The following SPTBN1 variants were observed in gnomAD, a reference collection of about 807,000 sequenced individuals.
SPTBN1 encodes the protein spectrin beta, non-erythrocytic 1, also known as spectrin beta chain, non-erythrocytic 1.
A neutral mutation model predicts 266.4 loss-of-function variants in SPTBN1; 32 were observed. That is an observed-to-expected ratio of 0.12 (90% CI 0.09 to 0.16). SPTBN1 has a LOEUF of 0.16. Ranked by LOEUF, SPTBN1 falls within the 10% of genes least tolerant of loss-of-function variation. The probability of loss-of-function intolerance (pLI) is 1.00; values close to 1 mark genes in which losing one functional copy is unlikely to be tolerated. For synonymous variants in SPTBN1, 1,336 were observed against 1,162.2 expected, an observed-to-expected ratio of 1.15 and a Z score of -3.04; for missense variants, 2,296 against 3,067.1, an observed-to-expected ratio of 0.75 and a Z score of 5.94.
At chr2:54,463,286 G>C (rs1191543132) in intron 1 of SPTBN1, among the ~76,000 whole-genome samples, 1 of 152,330 alleles carries the variant, frequency 6.6e-6, no homozygotes, top group Middle Eastern at 3.4e-3. Flanking sequence ...TTTGAATAAT[G>C]ACAATGAGCA....
chr2:54,643,873 T>A (rs145292417), intron 19 of SPTBN1, among the ~76,000 whole-genome samples: 31 of 152,132 alleles, frequency 2.0e-4, no homozygotes, highest in African/African-American at 7.2e-4. Flanking sequence ...ATCGCAGCTA[T>A]TGGGGAGGCT....
At chr2:54,466,951 A>G (rs1693665302) in intron 1 of SPTBN1, among the ~76,000 whole-genome samples, 2 of 152,176 alleles carry the variant, frequency 1.3e-5, no homozygotes, top group African/African-American at 4.8e-5. Flanking sequence ...TTTTTGTTAC[A>G]GCCTTGGCAG....
intron 1 of SPTBN1, among the ~76,000 whole-genome samples, chr2:54,465,552 C>T (rs986829929): frequency 6.6e-6 from 1 of 150,418 alleles, no homozygotes; most frequent in African/African-American, 2.4e-5. Context: ...TTTTAATATT[C>T]TTCGTTTTTT....
At chr2:54,463,125 G>A (rs904463253) in intron 1 of SPTBN1, among the ~76,000 whole-genome samples, 17 of 152,340 alleles carry the variant, frequency 1.1e-4, no homozygotes, top group African/African-American at 3.4e-4. Flanking sequence ...AGTTACAGTG[G>A]TGGCCAAGGG....
Position 54,653,929 on chromosome 2 carries a change from G to A in SPTBN1, c.5822+76G>A, listed in dbSNP as rs1680476109. The A allele has an allele frequency of 1.3e-6, 2 of 1,567,294 alleles. No homozygotes were observed. The highest frequency in any genetic ancestry group is 1.2e-5 in the South Asian group (1 of 83,258). ...CACAGGAGTCTTCCAGAGAGAAGCAGGAGCCTTGAAAGCGTTCCTGCCTGA... is the reference window on the plus strand; with the variant it reads ...CACAGGAGTCTTCCAGAGAGAAGCAAGAGCCTTGAAAGCGTTCCTGCCTGA... On this transcript the variant is annotated intron_variant, in intron 27 of 35. Transcript: ENST00000356805. This position sits in a 1 kb window ranked among gnomAD's most constrained non-coding sequence, Gnocchi z 5.1.
At chr2:54,472,780 A>T (rs1693996508) in intron 1 of SPTBN1, among the ~76,000 whole-genome samples, 1 of 152,332 alleles carries the variant, frequency 6.6e-6, no homozygotes, top group East Asian at 1.9e-4. Context: ...ATTTTTAAAA[A>T]TGCAGTATTT....
At chr2:54,584,449 A>C (rs1214764760) in intron 2 of SPTBN1, among the ~76,000 whole-genome samples, 2 of 152,248 alleles carry the variant, frequency 1.3e-5, no homozygotes, top group African/African-American at 4.8e-5. Flanking sequence ...ACATACTATA[A>C]ATTTTGATAT....
intron 1 of SPTBN1, among the ~76,000 whole-genome samples, chr2:54,506,894 C>CTCTCTTTTTTTT (rs5831310): frequency 7.5e-6 from 1 of 133,504 alleles, no homozygotes. Flanking sequence ...GGTTCTCTCT[C>CTCTCTTTTTTTT]TTTTTTTTTT....
chr2:54,628,041 A>T lies in SPTBN1; in HGVS notation c.1645-56A>T. ...TCTCTGCTTGTCGAAAGATGATGTG[A>T]TGCTGAAGTCAAGGCTATAGTCACA... is the stretch of plus-strand genomic sequence containing the variant. On this transcript the variant is annotated intron_variant, in intron 12 of 35. Coordinates refer to ENST00000356805, the MANE Select transcript of SPTBN1 (RefSeq NM_003128.3). The surrounding 1 kb of genome is among the most constrained non-coding windows in gnomAD (Gnocchi z 4.3). 6.5e-7 allele frequency: 1 copy of T among 1,545,110 alleles called. No individual in the cohort carries two copies. The highest frequency in any genetic ancestry group is 8.7e-7 in the Non-Finnish European group (1 of 1,143,334).
intron 2 of SPTBN1, among the ~76,000 whole-genome samples, chr2:54,583,117 G>T (rs1006390205): frequency 3.3e-5 from 5 of 151,958 alleles, no homozygotes; most frequent in Non-Finnish European, 5.9e-5. Context: ...ACCCCCATTT[G>T]CCTCTGATCT....
At chr2:54,511,547 T>C (rs1669858741) in intron 1 of SPTBN1, among the ~76,000 whole-genome samples, 1 of 152,138 alleles carries the variant, frequency 6.6e-6, no homozygotes, top group Non-Finnish European at 1.5e-5. Flanking sequence ...TGCACTTTAT[T>C]ATTATTACAT....
At chr2:54,555,787 C>T (rs1397628954) in intron 2 of SPTBN1, among the ~76,000 whole-genome samples, 5 of 152,178 alleles carry the variant, frequency 3.3e-5, no homozygotes, top group Non-Finnish European at 7.3e-5. Flanking sequence ...CATGCTTTTA[C>T]TGTGCTGCTT....
intron 2 of SPTBN1, among the ~76,000 whole-genome samples, chr2:54,590,382 G>A (rs1675593723): frequency 6.6e-6 from 1 of 152,202 alleles, no homozygotes; most frequent in South Asian, 2.1e-4. Context: ...CGAGAACCTA[G>A]TTGTTGGACA....
intron 18 of SPTBN1, among the ~76,000 whole-genome samples, chr2:54,641,633 C>A (rs1012628488): frequency 2.0e-5 from 3 of 152,224 alleles, no homozygotes; most frequent in African/African-American, 7.2e-5. Context: ...AGAGTGAAAT[C>A]AAAAATCTCA....
At chr2:54,507,991 A>G (rs1669664760) in intron 1 of SPTBN1, among the ~76,000 whole-genome samples, 1 of 152,124 alleles carries the variant, frequency 6.6e-6, no homozygotes. Context: ...AATAAGAGTA[A>G]GTATAAAAGT....
chr2:54,510,580 A>T (rs993859045), intron 1 of SPTBN1, among the ~76,000 whole-genome samples: 4 of 152,256 alleles, frequency 2.6e-5, no homozygotes, highest in Admixed American at 2.6e-4. Context: ...TTGACAACAG[A>T]AGCAACTGCT....
chr2:54,521,249 C>T (rs1670422647), intron 1 of SPTBN1, among the ~76,000 whole-genome samples: 1 of 152,232 alleles, frequency 6.6e-6, no homozygotes, highest in Non-Finnish European at 1.5e-5. Context: ...GTTGCCCTCA[C>T]TCTGACTTCT....
At chr2:54,475,294 C>G (rs1360903098) in intron 1 of SPTBN1, among the ~76,000 whole-genome samples, 1 of 152,238 alleles carries the variant, frequency 6.6e-6, no homozygotes. Context: ...AGCTTAGGGC[C>G]TTCCGTTTGG....
Position 54,645,132 on chromosome 2 carries a change from C to A in SPTBN1, c.4270-97C>A, listed in dbSNP as rs915032458. The A allele has an allele frequency of 1.6e-6, 2 of 1,286,130 alleles. No individual in the cohort carries two copies. The highest frequency in any genetic ancestry group is 2.4e-4 in the Middle Eastern group (1 of 4,234). 79.7% of individuals were successfully genotyped at this position (1,286,130 alleles called of 1,614,324 possible). On this transcript the variant is annotated intron_variant, in intron 20 of 35. Coordinates refer to ENST00000356805, the MANE Select transcript of SPTBN1 (RefSeq NM_003128.3). The surrounding 1 kb of genome is among the most constrained non-coding windows in gnomAD (Gnocchi z 4.3). ...TGAGTGGCTCCCATGGCTGGCTTTGCGGTGTGGCCAAGTCCCAGGCCCAGC... is the reference window on the plus strand; with the variant it reads ...TGAGTGGCTCCCATGGCTGGCTTTGAGGTGTGGCCAAGTCCCAGGCCCAGC...
Sources: gnomAD v4.1 joint callset for allele counts (sites outside exome capture counted in the v4.1 genomes callset) on GRCh38, gnomAD v4.1.1 for gene constraint, Gnocchi (gnomAD v3.1) non-coding constraint, MANE v1.5 for transcripts, NCBI Gene and HGNC (gene_info 2026-07-23, HGNC 2026-07-21) for gene names.